GALNTL6: variants seen among roughly 807,000 people sequenced by gnomAD.
The protein encoded by GALNTL6 is polypeptide N-acetylgalactosaminyltransferase like 6, also known as polypeptide N-acetylgalactosaminyltransferase-like 6.
GALNTL6 carries 46 observed loss-of-function variants against 73.7 expected under a neutral mutation model. That is an observed-to-expected ratio of 0.62 (90% CI 0.49 to 0.80). The LOEUF (loss-of-function observed/expected upper bound fraction) is 0.80. GALNTL6 is among the 30% of genes least tolerant of loss of function. The pLI is 0.00. For missense variants in GALNTL6, 604 were observed against 755.0 expected (o/e 0.80, Z 2.34); for synonymous variants, 259 against 263.7 (o/e 0.98, Z 0.17).
At chr4:172,297,869 T>A (rs1415445959) in intron 3 of GALNTL6, among the ~76,000 whole-genome samples, 1 of 152,066 alleles carries the variant, frequency 6.6e-6, no homozygotes, top group African/African-American at 2.4e-5. Context: ...TTTAAAGTAG[T>A]TTTTTCCAAT....
At chr4:172,164,876 T>C (rs998812921) in intron 2 of GALNTL6, among the ~76,000 whole-genome samples, 4 of 152,130 alleles carry the variant, frequency 2.6e-5, no homozygotes, top group African/African-American at 9.6e-5. Context: ...AAAGATGAAA[T>C]ACATATGCTC....
chr4:172,146,278 GTTCT>G (rs1000679932), intron 2 of GALNTL6, among the ~76,000 whole-genome samples: 27 of 152,184 alleles, frequency 1.8e-4, no homozygotes, highest in African/African-American at 6.0e-4. Context: ...ATTCTTTTGC[GTTCT>G]TTATGACAAT....
rs1190634739 is a variant in GALNTL6 at position 171,940,897 on chromosome 4, A to T, written c.138+126179A>T. 2.6e-5 allele frequency among the ~76,000 whole-genome samples: 4 copies of T among 151,386 alleles called. No homozygotes were observed. In the East Asian group the frequency reaches 7.7e-4, roughly 29 times the overall value. ...TCATGTATGCATTATAAGAAAATGT[A>T]TAATCACTTTATAAGAATGTTATCT... On this transcript the variant is annotated intron_variant, in intron 2 of 12. Transcript: ENST00000506823.
intron 10 of GALNTL6, among the ~76,000 whole-genome samples, chr4:172,978,805 T>G (rs144090529): frequency 2.8e-4 from 42 of 152,154 alleles, no homozygotes; most frequent in African/African-American, 9.9e-4. Context: ...AAACAGAAAA[T>G]GATCACTGTT....
chr4:172,818,254 A>G (rs937035853), intron 7 of GALNTL6, among the ~76,000 whole-genome samples: 1 of 152,194 alleles, frequency 6.6e-6, no homozygotes, highest in African/African-American at 2.4e-5. Context: ...ATTTCTAGAG[A>G]ATTTATGCAG....
At chr4:171,956,984 A>G (rs980692295) in intron 2 of GALNTL6, among the ~76,000 whole-genome samples, 1 of 152,146 alleles carries the variant, frequency 6.6e-6, no homozygotes, top group Non-Finnish European at 1.5e-5. Context: ...TACCTTTCTT[A>G]GGTCTTCAAA....
chr4:171,958,657 A>T (rs889921403), intron 2 of GALNTL6, among the ~76,000 whole-genome samples: 4 of 152,100 alleles, frequency 2.6e-5, no homozygotes, highest in Non-Finnish European at 5.9e-5. Context: ...CAAACTTTAC[A>T]TTACTCCCAT....
intron 7 of GALNTL6, among the ~76,000 whole-genome samples, chr4:172,861,425 A>T (rs984674794): frequency 6.6e-6 from 1 of 151,942 alleles, no homozygotes; most frequent in Non-Finnish European, 1.5e-5. Flanking sequence ...TGATTAATCC[A>T]GGTATAGATC....
At chr4:171,990,618 A>G (rs1740305365) in intron 2 of GALNTL6, among the ~76,000 whole-genome samples, 1 of 152,234 alleles carries the variant, frequency 6.6e-6, no homozygotes, top group Non-Finnish European at 1.5e-5. Flanking sequence ...ACATTTTTAA[A>G]GTTATTTTAA....
At position 172,460,824 on chromosome 4, in the gene GALNTL6, C is replaced by A. The variant is rs181697201; in HGVS notation, c.553+112135C>A. 2.0e-5 allele frequency among the ~76,000 whole-genome samples: 3 copies of A among 152,304 alleles called. No homozygotes were observed. In the East Asian group the frequency reaches 5.8e-4, roughly 29 times the overall value. On this transcript the variant is annotated intron_variant, in intron 5 of 12. Transcript: ENST00000506823. ...GACAGTGTGACAATTCCTCAAGGAT[C>A]TAGAACCAGAAATACCATTTGATCC...
chr4:172,975,973 T>G (rs1320704449), intron 10 of GALNTL6, among the ~76,000 whole-genome samples: 1 of 152,130 alleles, frequency 6.6e-6, no homozygotes, highest in Non-Finnish European at 1.5e-5. Context: ...ACAACTGGGT[T>G]GCTGCAGCTG....
chr4:172,744,844 T>TGC (rs765477381), intron 5 of GALNTL6, among the ~76,000 whole-genome samples: 13 of 105,456 alleles, frequency 1.2e-4, no homozygotes, highest in African/African-American at 8.5e-4. Context: ...CGCGTGCGTG[T>TGC]GTGTGTGTGT....
At chr4:172,452,797 A>T (rs112555735) in intron 5 of GALNTL6, among the ~76,000 whole-genome samples, 13 of 152,336 alleles carry the variant, frequency 8.5e-5, no homozygotes, top group Non-Finnish European at 1.6e-4. Context: ...TATATACGTA[A>T]ATTCATAATC....
At chr4:172,049,939 G>A (rs999113207) in intron 2 of GALNTL6, among the ~76,000 whole-genome samples, 3 of 151,644 alleles carry the variant, frequency 2.0e-5, no homozygotes, top group Non-Finnish European at 2.9e-5. Context: ...AGCTGAGATC[G>A]CACCATTGCA....
chr4:172,842,236 A>C (rs1579554028), intron 7 of GALNTL6, among the ~76,000 whole-genome samples: 1 of 152,212 alleles, frequency 6.6e-6, no homozygotes, highest in Non-Finnish European at 1.5e-5. Flanking sequence ...TAAAGAATTT[A>C]CCATCTTTAG....
chr4:172,713,974 T>C (rs1734889615), intron 5 of GALNTL6, among the ~76,000 whole-genome samples: 2 of 152,108 alleles, frequency 1.3e-5, no homozygotes, highest in East Asian at 3.9e-4. Context: ...CCCAGCACTT[T>C]GGGAGGCTGA....
intron 6 of GALNTL6, among the ~76,000 whole-genome samples, chr4:172,810,599 G>A (rs1438906493): frequency 3.3e-5 from 5 of 151,592 alleles, no homozygotes; most frequent in South Asian, 4.2e-4. Context: ...GATGTGAGGC[G>A]GGGGGGCGGG....
At chr4:171,990,174 A>G (rs891773121) in intron 2 of GALNTL6, among the ~76,000 whole-genome samples, 1 of 152,186 alleles carries the variant, frequency 6.6e-6, no homozygotes, top group Non-Finnish European at 1.5e-5. Flanking sequence ...CCCAGACAGT[A>G]AATTTACTTC....
At chr4:172,122,890 CAGA>C (rs150821432) in intron 2 of GALNTL6, among the ~76,000 whole-genome samples, 9,429 of 152,258 alleles carry the variant, frequency 0.062, 302 homozygotes, top group South Asian at 0.12. Flanking sequence ...TGGAGAAATC[CAGA>C]AGAATTCAGG....
Sources: gnomAD v4.1 joint callset for allele counts (sites outside exome capture counted in the v4.1 genomes callset) on GRCh38, gnomAD v4.1.1 for gene constraint, MANE v1.5 for transcripts, NCBI Gene and HGNC (gene_info 2026-07-23, HGNC 2026-07-21) for gene names.